The following MICAL3 variants were observed in gnomAD, a reference collection of about 807,000 sequenced individuals.
The protein encoded by MICAL3 is [F-actin]-monooxygenase MICAL3.
A neutral mutation model predicts 207.4 loss-of-function variants in MICAL3; 62 were observed. That is an observed-to-expected ratio of 0.30 (90% CI 0.24 to 0.37). The LOEUF (loss-of-function observed/expected upper bound fraction) is 0.37, where lower values mean the gene tolerates loss of function less well. MICAL3 is among the 10% of genes least tolerant of loss of function. The pLI, the probability that MICAL3 is intolerant of heterozygous loss-of-function variation, is 1.00. For missense variants in MICAL3, 2,368 were observed against 2,635.6 expected (o/e 0.90, Z 2.22); for synonymous variants, 1,077 against 1,069.3 (o/e 1.01, Z -0.14).
chr22:18,016,237 G>A (rs1028898987), intron 1 of MICAL3, among the ~76,000 whole-genome samples: 2 of 152,174 alleles, frequency 1.3e-5, no homozygotes, highest in Non-Finnish European at 2.9e-5. Context: ...GTATAATGGT[G>A]TTGTAATTTG....
rs1190803968 is a variant in MICAL3, at chr22:17,841,817, C to T, written c.2801+5G>A. The T allele has an allele frequency of 5.2e-6, 8 of 1,543,744 alleles. No individual in the cohort carries two copies. Among genetic ancestry groups the T allele is most frequent in the Non-Finnish European group, 5.2e-6 (6 of 1,147,240 alleles). ...GGTGGGCGCCCTGCAGCCCTGCGTG[C>T]TGACCTGCTGGCGACGTCCTCCTCG... is the stretch of plus-strand genomic sequence containing the variant. On this transcript the variant is annotated splice_donor_5th_base_variant and intron_variant, in intron 20 of 31. Coordinates refer to ENST00000441493, the MANE Select transcript of MICAL3 (RefSeq NM_015241.3). This position sits in a 1 kb window ranked among gnomAD's most constrained non-coding sequence, Gnocchi z 4.2.
At position 17,822,061 on chromosome 22, in the gene MICAL3, C is replaced by T; in HGVS notation, c.3417G>A (p.Lys1139=). 6.2e-7 allele frequency: 1 copy of T among 1,613,950 alleles called. No individual in the cohort carries two copies. Among genetic ancestry groups the T allele is most frequent in the Non-Finnish European group, 8.5e-7 (1 of 1,179,876 alleles). ...LELRVSEDEE[K]LPASPKHQER... The stretch of plus-strand genomic sequence containing the variant: ...CTTGGTGCTTCGGTGAGGCGGGCAG[C>T]TTCTCCTCATCTTCCGACACCCTCA... Residue 1139 remains lysine (K), a synonymous_variant, in exon 24 of 32, where the codon AAG becomes AAA. Transcript: ENST00000441493.
chr22:17,966,156 C>T (rs531082757), intron 1 of MICAL3, among the ~76,000 whole-genome samples: 8 of 152,300 alleles, frequency 5.3e-5, no homozygotes, highest in African/African-American at 1.9e-4. Context: ...GACAACCACA[C>T]ACGTTTCCTT....
chr22:17,909,898 T>A (rs1444755126), intron 1 of MICAL3, among the ~76,000 whole-genome samples: 1 of 152,194 alleles, frequency 6.6e-6, no homozygotes, highest in African/African-American at 2.4e-5. Flanking sequence ...GACCTCTTTG[T>A]GGGACTTCTG....
chr22:17,875,003 G>A (rs566637253), intron 16 of MICAL3, among the ~76,000 whole-genome samples: 3 of 152,318 alleles, frequency 2.0e-5, no homozygotes, highest in African/African-American at 7.2e-5. Context: ...GGTGACAGCC[G>A]CGTACATTCC....
chr22:17,946,504 G>A (rs536557781), intron 1 of MICAL3, among the ~76,000 whole-genome samples: 11 of 152,204 alleles, frequency 7.2e-5, no homozygotes, highest in Non-Finnish European at 1.5e-4. Flanking sequence ...TCCCTCAGGC[G>A]AGCCTCTGTG....
At chr22:17,861,821 A>G (rs1460651606) in intron 19 of MICAL3, 2 of 985,212 alleles carry the variant, frequency 2.0e-6, no homozygotes, top group Non-Finnish European at 2.4e-6. Context: ...GCCCCCAAAC[A>G]CTAAATTAGG....
At chr22:17,851,672 C>T (rs1297245892) in intron 19 of MICAL3, among the ~76,000 whole-genome samples, 1 of 152,184 alleles carries the variant, frequency 6.6e-6, no homozygotes, top group Non-Finnish European at 1.5e-5. Context: ...CGCAGTTCCC[C>T]AAGAACAAAT....
At chr22:17,866,334 A>G (rs1927109368) in intron 17 of MICAL3, among the ~76,000 whole-genome samples, 1 of 152,240 alleles carries the variant, frequency 6.6e-6, no homozygotes, top group Non-Finnish European at 1.5e-5. Context: ...GCAGTGTGTG[A>G]GGAACAAAGA....
intron 7 of MICAL3, among the ~76,000 whole-genome samples, chr22:17,897,646 G>A (rs1467379081): frequency 1.3e-5 from 2 of 152,078 alleles, no homozygotes; most frequent in South Asian, 4.1e-4. Context: ...GGTAGTAAAT[G>A]GCTTTTGTCA....
intron 1 of MICAL3, among the ~76,000 whole-genome samples, chr22:17,931,064 C>G (rs1004767081): frequency 1.3e-5 from 2 of 152,178 alleles, no homozygotes; most frequent in African/African-American, 2.4e-5. Context: ...CCAACCACAC[C>G]AGTGCTTCAG....
In MICAL3 at chr22:17,886,059, A is replaced by G. The variant is rs1428174566; in HGVS notation, c.2068-8T>C. On this transcript the variant is annotated splice_polypyrimidine_tract_variant and splice_region_variant and intron_variant, in intron 15 of 31. Transcript: ENST00000441493. ...GCCCCGAGGAGCTTCCTCCTGGTCA[A>G]TGCCAACCCCAAAGAACCCGGCGCT... 9 of 1,613,448 alleles carry G rather than the reference A, an allele frequency of 5.6e-6. No homozygotes were observed. The highest frequency in any genetic ancestry group is 6.8e-6 in the Non-Finnish European group (8 of 1,179,760).
At position 17,877,522 on chromosome 22, in the gene MICAL3, G is replaced by GGGAGGTGAGGGAGGTTAT. The variant is rs1602126266; in HGVS notation, c.2242-5517_2242-5500dup. 5.0e-4 allele frequency among the ~76,000 whole-genome samples: 26 copies of GGGAGGTGAGGGAGGTTAT among 51,726 alleles called. 1 individual carries two copies. Among genetic ancestry groups the GGGAGGTGAGGGAGGTTAT allele is most frequent in the East Asian group, 4.5e-3 (7 of 1,552 alleles). The allele number at this position is 51,726 out of a possible 152,430, so 33.9% of individuals were successfully genotyped here. On this transcript the variant is annotated intron_variant, in intron 16 of 31. Coordinates refer to ENST00000441493, the MANE Select transcript of MICAL3 (RefSeq NM_015241.3). ...GAGGTTATGGAGGTTAGGGAGGTTA[G>GGGAGGTGAGGGAGGTTAT]GGAGGTGAGGGAGGTTATGGAGGTG...
At chr22:17,837,907 C>A (rs534167487) in intron 20 of MICAL3, among the ~76,000 whole-genome samples, 1 of 152,300 alleles carries the variant, frequency 6.6e-6, no homozygotes, top group Admixed American at 6.5e-5. Flanking sequence ...GCAGTGAACT[C>A]CTGGGCACAA....
intron 1 of MICAL3, among the ~76,000 whole-genome samples, chr22:18,022,639 G>A (rs1924558117): frequency 6.6e-6 from 1 of 152,132 alleles, no homozygotes. Context: ...ATGTTGGCCA[G>A]GCTGGTCTCC....
intron 1 of MICAL3, among the ~76,000 whole-genome samples, chr22:17,984,097 T>C (rs9605482): frequency 2.0e-5 from 3 of 152,126 alleles, no homozygotes; most frequent in Non-Finnish European, 4.4e-5. Context: ...TCGTCAAAGT[T>C]CAACAATCAA....
At chr22:17,884,307 C>A in intron 16 of MICAL3, 1 of 1,591,590 alleles carries the variant, frequency 6.3e-7, no homozygotes, top group Non-Finnish European at 8.5e-7. Flanking sequence ...GCAGGGCGAA[C>A]CTGCCCAGGC....
intron 1 of MICAL3, among the ~76,000 whole-genome samples, chr22:17,923,867 T>C (rs1355957165): frequency 6.6e-6 from 1 of 152,206 alleles, no homozygotes; most frequent in African/African-American, 2.4e-5. Context: ...AATAAAGACA[T>C]ATCTGAGACT....
intron 1 of MICAL3, among the ~76,000 whole-genome samples, chr22:17,944,717 G>C (rs1306463359): frequency 6.6e-6 from 1 of 152,172 alleles, no homozygotes; most frequent in South Asian, 2.1e-4. Flanking sequence ...GGGGAAAGCA[G>C]GTGGGAGAAA....
Sources: gnomAD v4.1 joint callset for allele counts (sites outside exome capture counted in the v4.1 genomes callset) on GRCh38, gnomAD v4.1.1 for gene constraint, Gnocchi (gnomAD v3.1) non-coding constraint, MANE v1.5 for transcripts, NCBI Gene and HGNC (gene_info 2026-07-23, HGNC 2026-07-21) for gene names.